BLTP3A: variants seen among roughly 807,000 people sequenced by gnomAD.
BLTP3A encodes the protein bridge-like lipid transfer protein family member 3A, also known as ICBP90 binding protein 1.
the BLTP3A span, among the ~76,000 whole-genome samples, chr6:34,821,175 C>T: frequency 6.6e-6 from 1 of 152,044 alleles, no homozygotes; most frequent in Middle Eastern, 3.2e-3. Flanking sequence ...AGGCTGGTCT[C>T]GAACTCCCGA....
chr6:34,795,709 T>C, the BLTP3A span, among the ~76,000 whole-genome samples: 24 of 152,266 alleles, frequency 1.6e-4, no homozygotes, highest in East Asian at 4.6e-3. Context: ...CCTGAACATA[T>C]AATTTTTAAA....
At chr6:34,858,524 C>G in the BLTP3A span, 1 of 1,614,180 alleles carries the variant, frequency 6.2e-7, no homozygotes, top group Non-Finnish European at 8.5e-7. Flanking sequence ...GCCCCCTTCC[C>G]CCTGTCCATT....
At chr6:34,827,848 T>G in the BLTP3A span, among the ~76,000 whole-genome samples, 1 of 152,068 alleles carries the variant, frequency 6.6e-6, no homozygotes, top group Non-Finnish European at 1.5e-5. Context: ...CCCAGGCTGG[T>G]CTCGAACTCC....
chr6:34,797,268 C>T, the BLTP3A span, among the ~76,000 whole-genome samples: 7 of 152,104 alleles, frequency 4.6e-5, no homozygotes, highest in African/African-American at 1.2e-4. Flanking sequence ...TGAACCTCAG[C>T]GATAGAGACC....
chr6:34,870,792 T>A, the BLTP3A span: 8 of 1,568,400 alleles, frequency 5.1e-6, no homozygotes, highest in East Asian at 1.8e-4. Flanking sequence ...TATTGGTATA[T>A]AAGGTGCCTA....
chr6:34,801,040 C>CTA, the BLTP3A span, among the ~76,000 whole-genome samples: 1 of 152,172 alleles, frequency 6.6e-6, no homozygotes, highest in South Asian at 2.1e-4. Flanking sequence ...CTGGCTAGGC[C>CTA]TAGATATATT....
chr6:34,811,506 G>A, the BLTP3A span, among the ~76,000 whole-genome samples: 1 of 152,076 alleles, frequency 6.6e-6, no homozygotes, highest in African/African-American at 2.4e-5. Flanking sequence ...GGCTGAAATG[G>A]GAGGATCTCC....
the BLTP3A span, chr6:34,835,536 G>A: frequency 6.7e-7 from 1 of 1,492,710 alleles, no homozygotes; most frequent in Non-Finnish European, 9.0e-7. Flanking sequence ...TACTAATGTA[G>A]GTGGAATCTA....
the BLTP3A span, chr6:34,867,499 T>C: frequency 6.2e-7 from 1 of 1,614,010 alleles, no homozygotes; most frequent in Non-Finnish European, 8.5e-7. Context: ...GAATGAGGTG[T>C]CTTTTGGGAT....
the BLTP3A span, among the ~76,000 whole-genome samples, chr6:34,811,573 A>G: frequency 9.9e-5 from 15 of 151,940 alleles, no homozygotes; most frequent in Non-Finnish European, 1.8e-4. Flanking sequence ...AAAAGTGTTT[A>G]AAAAAAGGCC....
At chr6:34,798,594 CTTTT>C in the BLTP3A span, among the ~76,000 whole-genome samples, 3 of 94,488 alleles carry the variant, frequency 3.2e-5, no homozygotes, top group African/African-American at 1.4e-4. Flanking sequence ...TTCTTTCTTT[CTTTT>C]TTTTTTTTTT....
the BLTP3A span, among the ~76,000 whole-genome samples, chr6:34,854,972 A>G: frequency 6.6e-6 from 1 of 152,260 alleles, no homozygotes; most frequent in African/African-American, 2.4e-5. Flanking sequence ...AGAAACATGG[A>G]AAGTTCATTC....
the BLTP3A span, among the ~76,000 whole-genome samples, chr6:34,854,166 G>A: frequency 6.6e-6 from 1 of 152,106 alleles, no homozygotes; most frequent in African/African-American, 2.4e-5. Flanking sequence ...AGGTTGCAGT[G>A]AGCAGAGTTA....
chr6:34,820,837 A>ATTTT, the BLTP3A span, among the ~76,000 whole-genome samples: 2 of 71,316 alleles, frequency 2.8e-5, no homozygotes, highest in African/African-American at 2.7e-4. Flanking sequence ...TTTTTTTTAG[A>ATTTT]GATAGGGTCT....
At chr6:34,841,946 T>A in the BLTP3A span, among the ~76,000 whole-genome samples, 2 of 152,186 alleles carry the variant, frequency 1.3e-5, no homozygotes, top group African/African-American at 4.8e-5. Flanking sequence ...TTATTTCTCT[T>A]TTTTAAGGGC....
At chr6:34,857,726 C>T in the BLTP3A span, 1 of 1,613,056 alleles carries the variant, frequency 6.2e-7, no homozygotes, top group Non-Finnish European at 8.5e-7. Flanking sequence ...CTTTCCAGTT[C>T]CTTGTCCTAA....
At chr6:34,848,278 T>C in the BLTP3A span, among the ~76,000 whole-genome samples, 2 of 140,666 alleles carry the variant, frequency 1.4e-5, no homozygotes, top group Non-Finnish European at 3.0e-5. Context: ...AGCAAGACCC[T>C]GTCTCAAAAA....
At chr6:34,814,503 A>G in the BLTP3A span, among the ~76,000 whole-genome samples, 45 of 152,350 alleles carry the variant, frequency 3.0e-4, no homozygotes, top group East Asian at 7.9e-3. Context: ...TCACAGGAGG[A>G]CCGCTCATGG....
the BLTP3A span, chr6:34,875,504 G>A: frequency 1.3e-5 from 2 of 152,160 alleles, no homozygotes; most frequent in South Asian, 2.1e-4. Context: ...GCATTTCTTG[G>A]TATAATTTAC....
Sources: gnomAD v4.1 joint callset for allele counts (sites outside exome capture counted in the v4.1 genomes callset) on GRCh38, gnomAD v4.1.1 for gene constraint, MANE v1.5 for transcripts, NCBI Gene and HGNC (gene_info 2026-07-23, HGNC 2026-07-21) for gene names.